ARB2A: variants seen among roughly 807,000 people sequenced by gnomAD.
The protein encoded by ARB2A is ARB2 cotranscriptional regulator A, also known as cotranscriptional regulator ARB2A.
chr5:93,964,194 C>T, the ARB2A span, among the ~76,000 whole-genome samples: 1 of 151,668 alleles, frequency 6.6e-6, no homozygotes, highest in Non-Finnish European at 1.5e-5. Flanking sequence ...AAGGGTAATC[C>T]TTTTAATTGA....
the ARB2A span, among the ~76,000 whole-genome samples, chr5:93,899,183 T>C: frequency 2.0e-5 from 3 of 152,096 alleles, no homozygotes; most frequent in African/African-American, 4.8e-5. Flanking sequence ...AATGACCATA[T>C]GTCACCCCTA....
chr5:94,102,390 G>C, the ARB2A span, among the ~76,000 whole-genome samples: 4 of 152,088 alleles, frequency 2.6e-5, no homozygotes, highest in African/African-American at 9.7e-5. Context: ...CAGAAGTGCT[G>C]AGAAAAGAAT....
chr5:93,687,975 C>CT, the ARB2A span, among the ~76,000 whole-genome samples: 129 of 146,912 alleles, frequency 8.8e-4, no homozygotes, highest in East Asian at 1.8e-3. Flanking sequence ...CTTTTCTATT[C>CT]TTTTTTTTTT....
At chr5:93,701,331 T>C in the ARB2A span, among the ~76,000 whole-genome samples, 3 of 152,200 alleles carry the variant, frequency 2.0e-5, no homozygotes, top group Non-Finnish European at 4.4e-5. Flanking sequence ...CCCATACATA[T>C]ACTTACGCAT....
At chr5:94,106,015 T>A in the ARB2A span, among the ~76,000 whole-genome samples, 5 of 151,794 alleles carry the variant, frequency 3.3e-5, no homozygotes, top group African/African-American at 1.2e-4. Context: ...TGTAAAGCCT[T>A]AAACTATAAA....
chr5:93,703,793 G>T, the ARB2A span, among the ~76,000 whole-genome samples: 1 of 152,116 alleles, frequency 6.6e-6, no homozygotes, highest in Non-Finnish European at 1.5e-5. Context: ...TTCCATCTCT[G>T]CAAGCAGTCT....
At chr5:93,891,309 T>C in the ARB2A span, among the ~76,000 whole-genome samples, 5 of 152,116 alleles carry the variant, frequency 3.3e-5, no homozygotes, top group African/African-American at 1.2e-4. Context: ...TTGGCACTTA[T>C]AATTGCCCCC....
At chr5:93,981,131 C>T in the ARB2A span, among the ~76,000 whole-genome samples, 3 of 151,248 alleles carry the variant, frequency 2.0e-5, no homozygotes, top group African/African-American at 4.9e-5. Flanking sequence ...TGCAATGGCG[C>T]GATCTCGGCT....
the ARB2A span, among the ~76,000 whole-genome samples, chr5:94,013,786 T>C: frequency 6.6e-6 from 1 of 152,098 alleles, no homozygotes; most frequent in African/African-American, 2.4e-5. Flanking sequence ...TACACAGCAC[T>C]GAGATTATCA....
the ARB2A span, among the ~76,000 whole-genome samples, chr5:93,831,827 C>T: frequency 6.6e-6 from 1 of 152,094 alleles, no homozygotes; most frequent in Admixed American, 6.5e-5. Flanking sequence ...CTGTTAATGG[C>T]CTGTCAGCAG....
chr5:93,768,712 C>T, the ARB2A span, among the ~76,000 whole-genome samples: 1 of 151,934 alleles, frequency 6.6e-6, no homozygotes, highest in Admixed American at 6.6e-5. Flanking sequence ...ACCCAAGTAG[C>T]GAGGACTACA....
the ARB2A span, among the ~76,000 whole-genome samples, chr5:93,670,793 A>G: frequency 6.6e-6 from 1 of 152,226 alleles, no homozygotes; most frequent in Non-Finnish European, 1.5e-5. Flanking sequence ...CTCAAAGACT[A>G]TAGTCAGTCC....
the ARB2A span, among the ~76,000 whole-genome samples, chr5:93,626,636 A>G: frequency 6.6e-6 from 1 of 152,222 alleles, no homozygotes; most frequent in East Asian, 1.9e-4. Context: ...AGTGTGCAAA[A>G]GCATTATGTC....
the ARB2A span, among the ~76,000 whole-genome samples, chr5:93,703,607 A>C: frequency 6.6e-6 from 1 of 152,228 alleles, no homozygotes; most frequent in African/African-American, 2.4e-5. Flanking sequence ...GGCAGAATGG[A>C]AGGTAAAACT....
chr5:93,806,217 AG>A, the ARB2A span, among the ~76,000 whole-genome samples: 3 of 151,904 alleles, frequency 2.0e-5, no homozygotes, highest in Admixed American at 2.0e-4. Flanking sequence ...AGTTTTGAAG[AG>A]CTGTTCTTAA....
the ARB2A span, among the ~76,000 whole-genome samples, chr5:93,624,970 T>A: frequency 6.6e-6 from 1 of 152,200 alleles, no homozygotes; most frequent in Non-Finnish European, 1.5e-5. Flanking sequence ...GGTCATGCAT[T>A]TTATGTTTTT....
chr5:93,894,035 ACT>A, the ARB2A span, among the ~76,000 whole-genome samples: 5 of 152,142 alleles, frequency 3.3e-5, no homozygotes, highest in Non-Finnish European at 7.3e-5. Context: ...AATAGTATAC[ACT>A]CTGTGCAGAT....
the ARB2A span, among the ~76,000 whole-genome samples, chr5:93,799,479 C>T: frequency 2.0e-5 from 3 of 152,020 alleles, no homozygotes; most frequent in Admixed American, 6.6e-5. Flanking sequence ...AGGTAATAAA[C>T]GATTAGCTAC....
At chr5:93,778,519 A>T in the ARB2A span, among the ~76,000 whole-genome samples, 1 of 152,220 alleles carries the variant, frequency 6.6e-6, no homozygotes, top group African/African-American at 2.4e-5. Flanking sequence ...ATACAGGGAG[A>T]TAGCTTCAAT....
Sources: allele counts gnomAD v4.1 joint callset (sites outside exome capture counted in the v4.1 genomes callset), GRCh38; gene constraint gnomAD v4.1.1; transcripts MANE v1.5; gene names NCBI Gene and HGNC (gene_info 2026-07-23, HGNC 2026-07-21).